RRP1B: variants seen among roughly 807,000 people sequenced by gnomAD.
The protein encoded by RRP1B is ribosomal RNA processing protein 1 homolog B.
A neutral mutation model predicts 80.2 loss-of-function variants in RRP1B; 56 were observed. That is an observed-to-expected ratio of 0.70 (90% CI 0.56 to 0.87). The LOEUF is 0.87. RRP1B is among the 40% of genes least tolerant of loss of function. RRP1B has a pLI of 0.00. For synonymous variants in RRP1B, 351 were observed against 357.6 expected, an observed-to-expected ratio of 0.98 and a Z score of 0.21; for missense variants, 807 against 939.8, an observed-to-expected ratio of 0.86 and a Z score of 1.85.
At chr21:43,678,510 G>GT (rs2083030877) in intron 8 of RRP1B, among the ~76,000 whole-genome samples, 1 of 152,160 alleles carries the variant, frequency 6.6e-6, no homozygotes, top group South Asian at 2.1e-4. Flanking sequence ...TCTTGCTGGA[G>GT]TGAGGTGGTA....
chr21:43,675,190 C>T lies in RRP1B; in HGVS notation c.549+27C>T, dbSNP rs201132435. 8.1e-6 allele frequency: 13 copies of T among 1,610,268 alleles called. No individual in the cohort carries two copies. In the East Asian group the frequency reaches 1.1e-4, roughly 14 times the overall value. ...TAAGCAGCTGCCGACAGGCTGCCCA[C>T]GGGGTGAGGGGGCCGCCAGTGTTCG... On this transcript the variant is annotated intron_variant, in intron 6 of 15. Transcript: ENST00000340648.
Position 43,676,922 on chromosome 21 carries a change from G to A in RRP1B, c.796+8G>A. On this transcript the variant is annotated splice_region_variant and intron_variant, in intron 8 of 15. Transcript: ENST00000340648. Reference sequence around the variant, plus strand: ...TCAGTAAAAAGAAGACAGGTAGGAGGATGTTCTTGGTCAGTGTAGCTTTCT... The same window carrying A: ...TCAGTAAAAAGAAGACAGGTAGGAGAATGTTCTTGGTCAGTGTAGCTTTCT... 6.2e-7 allele frequency: 1 copy of A among 1,613,378 alleles called. No homozygotes were observed. The highest frequency in any genetic ancestry group is 8.5e-7 in the Non-Finnish European group (1 of 1,179,488).
Position 43,691,758 on chromosome 21 carries a change from G to T in RRP1B, c.2083+256G>T, listed in dbSNP as rs1356618659. On this transcript the variant is annotated intron_variant, in intron 15 of 15. Transcript: ENST00000340648. This position sits in a 1 kb window ranked among gnomAD's most constrained non-coding sequence, Gnocchi z 4.2. ...AGGTTCAAGCGATTCTCCTGCCTCA[G>T]GCTGCCGGGTAGCGGGTAGCTGGGA... Among the ~76,000 whole-genome samples the T allele has an allele frequency of 6.6e-6, 1 of 151,934 alleles. No individual in the cohort carries two copies. The highest frequency in any genetic ancestry group is 1.5e-5 in the Non-Finnish European group (1 of 67,986).
chr21:43,671,860 A>G (rs1490524097), intron 2 of RRP1B, among the ~76,000 whole-genome samples: 1 of 150,630 alleles, frequency 6.6e-6, no homozygotes, highest in Non-Finnish European at 1.5e-5. Context: ...TAATTTTTGA[A>G]TTTTTAGTAG....
chr21:43,691,621 C>G lies in RRP1B; in HGVS notation c.2083+119C>G. On this transcript the variant is annotated intron_variant, in intron 15 of 15. Coordinates refer to ENST00000340648, the MANE Select transcript of RRP1B (RefSeq NM_015056.3). The surrounding 1 kb of genome is among the most constrained non-coding windows in gnomAD (Gnocchi z 4.2). ...GAGGGGGGTCCTAGCTCCTCACTGC[C>G]CATTTCTTTATTTTTATTTTTTTTT... 1.4e-6 allele frequency: 1 copy of G among 714,090 alleles called. No homozygotes were observed. Among genetic ancestry groups the G allele is most frequent in the South Asian group, 1.7e-5 (1 of 57,642 alleles). 44.2% of individuals were successfully genotyped at this position (714,090 alleles called of 1,614,324 possible). A position where few individuals can be genotyped will look rare whatever the true frequency, so the allele number is the denominator to read the frequency against.
intron 1 of RRP1B, among the ~76,000 whole-genome samples, chr21:43,669,328 A>G (rs2082990487): frequency 6.6e-6 from 1 of 152,166 alleles, no homozygotes; most frequent in Admixed American, 6.5e-5. Context: ...AATTTTTGCA[A>G]AAATATTCCA....
At chr21:43,674,586 C>CCTT in intron 4 of RRP1B, 50 bp from the exon 5 acceptor site, 1 of 392,162 alleles carries the variant, frequency 2.5e-6, no homozygotes, top group South Asian at 3.5e-5. Context: ...CTTACCTTTC[C>CCTT]TTTTTTTTTT....
intron 13 of RRP1B, 80 bp downstream of exon 13, chr21:43,688,320 GA>G (rs1462819753): frequency 4.1e-6 from 6 of 1,450,060 alleles, no homozygotes; most frequent in Admixed American, 5.4e-5. Flanking sequence ...CTCCTGAGAG[GA>G]AGGGTGGGGG....
intron 13 of RRP1B, among the ~76,000 whole-genome samples, chr21:43,689,304 C>T (rs921055253): frequency 6.6e-6 from 1 of 152,258 alleles, no homozygotes; most frequent in Non-Finnish European, 1.5e-5. Context: ...TTGGTTTGCA[C>T]ACACCGCTTT....
chr21:43,691,473 C>T lies in RRP1B; in HGVS notation c.2054C>T (p.Thr685Ile). The change falls in exon 15 of 16, where the codon ACC becomes ATC. Residue 685 changes from threonine (T) to isoleucine (I), a missense_variant. By Grantham distance (89) the Thr-to-Ile change is moderately conservative. Coordinates refer to ENST00000340648, the MANE Select transcript of RRP1B (RefSeq NM_015056.3). This position sits in a 1 kb window ranked among gnomAD's most constrained non-coding sequence, Gnocchi z 4.2. ...NKTPSSSKKV[T>I]FGLNRNMTAE... ...ACACCATCCAGCTCCAAGAAAGTCACCTTTGGGCTGAACAGAAACATGACT... is the reference window on the plus strand; with the variant it reads ...ACACCATCCAGCTCCAAGAAAGTCATCTTTGGGCTGAACAGAAACATGACT... 1.9e-6 allele frequency: 3 copies of T among 1,614,070 alleles called. No homozygotes were observed. The highest frequency in any genetic ancestry group is 2.2e-5 in the South Asian group (2 of 91,064).
At chr21:43,685,710 G>A (rs1568959540) in intron 10 of RRP1B, 60 bp from the exon 11 acceptor site, 3 of 1,244,660 alleles carry the variant, frequency 2.4e-6, no homozygotes, top group Non-Finnish European at 3.3e-6. Flanking sequence ...AGACAGAAGG[G>A]ATTTCTTTAT....
At chr21:43,660,889 C>A (rs1043275506) in intron 1 of RRP1B, among the ~76,000 whole-genome samples, 1 of 152,100 alleles carries the variant, frequency 6.6e-6, no homozygotes, top group Non-Finnish European at 1.5e-5. Flanking sequence ...TTTACCTGAT[C>A]CAAAAATACT....
chr21:43,676,181 C>A, intron 6 of RRP1B, 91 bp from the exon 7 acceptor site: 1 of 946,334 alleles, frequency 1.1e-6, no homozygotes, highest in Non-Finnish European at 1.7e-6. Flanking sequence ...TCTAACTCCA[C>A]CTTTGTAAAA....
Position 43,693,067 on chromosome 21 carries a change from A to T in RRP1B, c.2084-123A>T. 4 of 947,312 alleles carry T rather than the reference A, an allele frequency of 4.2e-6. No individual in the cohort carries two copies. The highest frequency in any genetic ancestry group is 6.4e-6 in the Non-Finnish European group (4 of 620,688). 58.7% of individuals were successfully genotyped at this position (947,312 alleles called of 1,614,324 possible). The stretch of plus-strand genomic sequence containing the variant: ...TGGGCCTGCTCTCTGCAGGGCCTTG[A>T]GATGGCCCTGCTTCGTCCTAGCAAG... On this transcript the variant is annotated intron_variant, in intron 15 of 15. Transcript: ENST00000340648. This position sits in a 1 kb window ranked among gnomAD's most constrained non-coding sequence, Gnocchi z 4.1.
chr21:43,661,056 GTTTT>G (rs1278768690), intron 1 of RRP1B, among the ~76,000 whole-genome samples: 1 of 152,136 alleles, frequency 6.6e-6, no homozygotes, highest in African/African-American at 2.4e-5. Flanking sequence ...TTCTCAGTTT[GTTTT>G]ATTTTTAAGA....
intron 15 of RRP1B, among the ~76,000 whole-genome samples, chr21:43,692,610 A>AG (rs1450293791): frequency 2.0e-5 from 3 of 152,006 alleles, no homozygotes; most frequent in South Asian, 2.1e-4. Flanking sequence ...CTCAAAAAAA[A>AG]AAAAAAAGTA....
chr21:43,686,842 TCTG>T lies in RRP1B; in HGVS notation c.1052_1054del (p.Ala351del). ...TCAACTCAGTTTTGCGGAGGACATT[TCTG>T]CTGATGAAGATGACCAAATCCTCAG... On this transcript the variant is annotated inframe_deletion, in exon 12 of 16. Coordinates refer to ENST00000340648, the MANE Select transcript of RRP1B (RefSeq NM_015056.3). The T allele has an allele frequency of 1.9e-6, 3 of 1,614,126 alleles. No individual in the cohort carries two copies. Among genetic ancestry groups the T allele is most frequent in the Non-Finnish European group, 2.5e-6 (3 of 1,180,030 alleles).
chr21:43,670,005 C>T (rs1466145695), intron 2 of RRP1B, 39 bp downstream of exon 2: 2 of 1,446,672 alleles, frequency 1.4e-6, no homozygotes, highest in Non-Finnish European at 1.9e-6. Context: ...CGGGTTCTTG[C>T]TGTGGATGGA....
chr21:43,672,966 A>G (rs2083005721), intron 3 of RRP1B, among the ~76,000 whole-genome samples: 1 of 152,238 alleles, frequency 6.6e-6, no homozygotes, highest in Non-Finnish European at 1.5e-5. Flanking sequence ...AGATTTACAA[A>G]GATGAAAAAA....
Sources: allele counts gnomAD v4.1 joint callset (sites outside exome capture counted in the v4.1 genomes callset), GRCh38; gene constraint gnomAD v4.1.1; non-coding constraint Gnocchi (gnomAD v3.1); transcripts MANE v1.5; gene names NCBI Gene and HGNC (gene_info 2026-07-23, HGNC 2026-07-21).